Variants in APOL4 observed in about 807,000 individuals in gnomAD.
The protein encoded by APOL4 is apolipoprotein L, 4.
In APOL4, 14 loss-of-function variants were observed where a neutral mutation model predicts 12.1. The observed-to-expected ratio is 1.16, with a 90% confidence interval of 0.76 to 1.81. The LOEUF is 1.81. Ranked by LOEUF, APOL4 falls within the 40% of genes most tolerant of loss-of-function variation. The probability of loss-of-function intolerance (pLI) is 0.00; values close to 1 mark genes in which losing one functional copy is unlikely to be tolerated. For synonymous variants in APOL4, 171 were observed against 160.6 expected, an observed-to-expected ratio of 1.06 and a Z score of -0.49; for missense variants, 432 against 423.1, an observed-to-expected ratio of 1.02 and a Z score of -0.18.
At chr22:36,197,711 G>A (rs1448204278) in intron 2 of APOL4, 6 of 1,550,436 alleles carry the variant, frequency 3.9e-6, no homozygotes, top group Non-Finnish European at 5.2e-6. Flanking sequence ...ATGCTGAGAT[G>A]TGGATACTGG....
intron 1 of APOL4, among the ~76,000 whole-genome samples, chr22:36,199,893 C>A (rs1306573919): frequency 6.6e-6 from 1 of 152,110 alleles, no homozygotes; most frequent in Non-Finnish European, 1.5e-5. Flanking sequence ...CTGCAAGCGC[C>A]GCCTCCCAGG....
chr22:36,203,434 G>T (rs977261596), upstream of APOL4, among the ~76,000 whole-genome samples: 1 of 152,156 alleles, frequency 6.6e-6, no homozygotes, highest in Non-Finnish European at 1.5e-5. Context: ...GAAGTACAGT[G>T]CATTTGTATG....
upstream of APOL4, among the ~76,000 whole-genome samples, chr22:36,203,450 G>A (rs540497003): frequency 2.6e-5 from 4 of 152,320 alleles, no homozygotes; most frequent in African/African-American, 9.6e-5. Context: ...GTATGTAGAA[G>A]TACAGTATAC....
At chr22:36,194,388 GC>G (rs930423560) in intron 3 of APOL4, among the ~76,000 whole-genome samples, 3 of 152,110 alleles carry the variant, frequency 2.0e-5, no homozygotes, top group Non-Finnish European at 4.4e-5. Flanking sequence ...TACATTTCAT[GC>G]TCTCAGTGTC....
chr22:36,203,543 T>C (rs934165137), upstream of APOL4, among the ~76,000 whole-genome samples: 6 of 152,162 alleles, frequency 3.9e-5, no homozygotes, highest in African/African-American at 1.4e-4. Flanking sequence ...TTCCATAACC[T>C]ATGATTAGCA....
upstream of APOL4, chr22:36,204,602 G>T: frequency 4.6e-6 from 2 of 437,038 alleles, no homozygotes; most frequent in South Asian, 3.7e-5. Flanking sequence ...AGGAGATGGA[G>T]GGAGGTCACA....
intron 3 of APOL4, among the ~76,000 whole-genome samples, chr22:36,194,695 C>T (rs1176953215): frequency 1.2e-4 from 19 of 152,184 alleles, no homozygotes; most frequent in Admixed American, 1.2e-3. Flanking sequence ...CCAGGATCCA[C>T]CCCAGCTCTG....
At chr22:36,199,420 C>G (rs749978865) in intron 1 of APOL4, 44 bp from the exon 2 acceptor site, 15 of 1,613,886 alleles carry the variant, frequency 9.3e-6, no homozygotes, top group Non-Finnish European at 1.3e-5. Flanking sequence ...TGTGAGCCAC[C>G]TATGGGCAAA....
intron 2 of APOL4, among the ~76,000 whole-genome samples, chr22:36,198,705 C>A (rs191198127): frequency 4.6e-4 from 70 of 152,308 alleles, no homozygotes; most frequent in Middle Eastern, 3.4e-3. Context: ...ATGTTTGATC[C>A]TCATGACAAC....
intron 3 of APOL4, among the ~76,000 whole-genome samples, chr22:36,193,521 C>T (rs920296538): frequency 3.3e-5 from 5 of 152,158 alleles, no homozygotes; most frequent in South Asian, 2.1e-4. Flanking sequence ...GTGTTCTTTC[C>T]CTGTGATAAA....
At chr22:36,197,444 T>G in intron 2 of APOL4, 1 of 690,508 alleles carries the variant, frequency 1.4e-6, no homozygotes, top group South Asian at 4.0e-5. Context: ...CAGGGTTGGA[T>G]GGAGGGAACC....
intron 3 of APOL4, among the ~76,000 whole-genome samples, chr22:36,193,381 C>T (rs900957212): frequency 6.6e-6 from 1 of 152,212 alleles, no homozygotes; most frequent in African/African-American, 2.4e-5. Flanking sequence ...ACTGGGTGAG[C>T]TTCCCTGGTT....
chr22:36,195,208 AG>A (rs2014367532), intron 3 of APOL4, 102 bp downstream of exon 3: 15 of 1,433,220 alleles, frequency 1.0e-5, no homozygotes, highest in Admixed American at 2.2e-5. Flanking sequence ...AGCCCAGCAG[AG>A]GGGGCTGCCT....
chr22:36,199,684 G>A (rs1372022394), intron 1 of APOL4: 17 of 1,526,908 alleles, frequency 1.1e-5, no homozygotes, highest in South Asian at 2.4e-5. Flanking sequence ...CAGTCTATAC[G>A]CAGAAATAGA....
chr22:36,202,014 T>C (rs772480749), upstream of APOL4: 69 of 1,614,102 alleles, frequency 4.3e-5, no homozygotes, highest in Middle Eastern at 6.6e-4. Flanking sequence ...GACAAAGATT[T>C]TCAGCAAAGC....
At chr22:36,203,294 A>C (rs535692608), upstream of APOL4, among the ~76,000 whole-genome samples, 1 of 152,308 alleles carries the variant, frequency 6.6e-6, no homozygotes, top group South Asian at 2.1e-4. Flanking sequence ...AATGCACTGG[A>C]TATACCAGCA....
upstream of APOL4, chr22:36,204,544 T>G (rs896976377): frequency 4.0e-6 from 1 of 247,796 alleles, no homozygotes; most frequent in African/African-American, 2.3e-5. Flanking sequence ...TCCGAGCTTA[T>G]CTACAAAAGC....
chr22:36,199,224 G>T, intron 2 of APOL4, 106 bp downstream of exon 2: 1 of 1,484,744 alleles, frequency 6.7e-7, no homozygotes. Flanking sequence ...GTTCCGTTGG[G>T]GCTCACTCAG....
chr22:36,202,650 C>T (rs974944636), upstream of APOL4, among the ~76,000 whole-genome samples: 26 of 151,948 alleles, frequency 1.7e-4, no homozygotes, highest in African/African-American at 5.6e-4. Context: ...GGTGTGAACC[C>T]GGGAGGCGGA....
Sources: allele counts gnomAD v4.1 joint callset (sites outside exome capture counted in the v4.1 genomes callset), GRCh38; gene constraint gnomAD v4.1.1; transcripts MANE v1.5; gene names NCBI Gene and HGNC (gene_info 2026-07-23, HGNC 2026-07-21).